The following KIAA1671 variants were observed in gnomAD, a reference collection of about 807,000 sequenced individuals.
KIAA1671 encodes the protein KIAA1671.
Under a neutral mutation model 131.2 loss-of-function variants are expected in KIAA1671, and 52 were observed. That is an observed-to-expected ratio of 0.40 (90% confidence interval 0.32 to 0.50). KIAA1671 has a LOEUF of 0.50. Among genes scored for constraint, KIAA1671 ranks in the 20% least tolerant of loss-of-function variants. The pLI is 0.73. For synonymous variants in KIAA1671, 1,003 were observed against 961.6 expected, an observed-to-expected ratio of 1.04 and a Z score of -0.80; for missense variants, 2,360 against 2,364.2, an observed-to-expected ratio of 1.00 and a Z score of 0.04.
At chr22:24,969,512 T>A (rs958547373) in intron 1 of KIAA1671, among the ~76,000 whole-genome samples, 1 of 152,144 alleles carries the variant, frequency 6.6e-6, no homozygotes, top group Non-Finnish European at 1.5e-5. Flanking sequence ...AAAAACAATA[T>A]TTTTCATCCG....
In KIAA1671 at chr22:25,150,901, C is replaced by T. The variant is rs972170516; in HGVS notation, c.4531-19919C>T. Among the ~76,000 whole-genome samples the T allele has an allele frequency of 6.1e-5, 9 of 146,712 alleles. No individual in the cohort carries two copies. In the South Asian group the frequency reaches 6.7e-4, roughly 11 times the overall value. On this transcript the variant is annotated intron_variant, in intron 6 of 12. Transcript: ENST00000358431. Reference sequence around the variant, plus strand: ...AGGCTGGAGTGCCGTGGCGCAATCTCGGCTTACTGCAAGCTCCGCCTCCCG... The same window carrying T: ...AGGCTGGAGTGCCGTGGCGCAATCTTGGCTTACTGCAAGCTCCGCCTCCCG...
chr22:25,100,352 G>A (rs1217430221), intron 6 of KIAA1671, among the ~76,000 whole-genome samples: 1 of 152,188 alleles, frequency 6.6e-6, no homozygotes, highest in Non-Finnish European at 1.5e-5. Context: ...CTTCAGTTGG[G>A]GTTCACAACC....
chr22:25,192,965 G>A lies in KIAA1671; in HGVS notation c.*564G>A, dbSNP rs143276017. The A allele has an allele frequency of 6.6e-6, 1 of 152,006 alleles. No homozygotes were observed. Among genetic ancestry groups the A allele is most frequent in the East Asian group, 1.9e-4 (1 of 5,164 alleles). 9.4% of individuals were successfully genotyped at this position (152,006 alleles called of 1,614,324 possible). A position where few individuals can be genotyped will look rare whatever the true frequency, so the allele number is the denominator to read the frequency against. ...GTTCCTTCTTCCCCTTGAGGAATCA[G>A]CAGTTCCAATTTTTAAACATACTCT... On this transcript the variant is annotated 3_prime_UTR_variant, in exon 13 of 13. Coordinates refer to ENST00000358431, the MANE Select transcript of KIAA1671 (RefSeq NM_001145206.2).
chr22:25,105,031 C>CT (rs75088120), intron 6 of KIAA1671, among the ~76,000 whole-genome samples: 182 of 148,950 alleles, frequency 1.2e-3, no homozygotes, highest in South Asian at 5.8e-3. Flanking sequence ...CCTTCCTTTT[C>CT]TTTTTTTTTT....
intron 1 of KIAA1671, among the ~76,000 whole-genome samples, chr22:24,986,907 G>C (rs1395961449): frequency 1.3e-5 from 2 of 151,854 alleles, no homozygotes; most frequent in African/African-American, 4.8e-5. Context: ...CCTAAAGCAG[G>C]GGTCGGCCAG....
chr22:25,110,210 T>C (rs1440516433), intron 6 of KIAA1671: 1 of 152,250 alleles, frequency 6.6e-6, no homozygotes, highest in Non-Finnish European at 1.5e-5. Flanking sequence ...AGAGATCTGT[T>C]GGCCATATTG....
intron 1 of KIAA1671, chr22:25,013,217 A>C (rs1438550239): frequency 6.6e-6 from 1 of 152,250 alleles, no homozygotes; most frequent in Non-Finnish European, 1.5e-5. Flanking sequence ...CGGCTCTAAA[A>C]GGATGGGTGG....
intron 5 of KIAA1671, among the ~76,000 whole-genome samples, chr22:25,047,613 C>T (rs1927320374): frequency 6.6e-6 from 1 of 151,960 alleles, no homozygotes; most frequent in African/African-American, 2.4e-5. Context: ...GCTGGGATTA[C>T]AGGCGCTCGC....
At chr22:25,107,767 T>G (rs1483376837) in intron 6 of KIAA1671, among the ~76,000 whole-genome samples, 1 of 151,926 alleles carries the variant, frequency 6.6e-6, no homozygotes, top group East Asian at 2.0e-4. Context: ...TCCCAGCACT[T>G]TGGGAGGCCG....
At chr22:25,095,051 A>G (rs867703640) in intron 6 of KIAA1671, among the ~76,000 whole-genome samples, 20 of 152,168 alleles carry the variant, frequency 1.3e-4, no homozygotes, top group African/African-American at 4.8e-4. Flanking sequence ...GGCCCCCTCC[A>G]GAGTGTATAT....
chr22:24,981,650 T>G (rs1391613558), intron 1 of KIAA1671, among the ~76,000 whole-genome samples: 2 of 152,220 alleles, frequency 1.3e-5, no homozygotes, highest in African/African-American at 2.4e-5. Context: ...GGCTCATGCC[T>G]GTAATCCCAG....
At chr22:25,097,476 C>T (rs1183832592) in intron 6 of KIAA1671, among the ~76,000 whole-genome samples, 1 of 152,190 alleles carries the variant, frequency 6.6e-6, no homozygotes, top group African/African-American at 2.4e-5. Flanking sequence ...TGCAGTGGCT[C>T]ACGCCTGTAA....
intron 1 of KIAA1671, among the ~76,000 whole-genome samples, chr22:24,954,611 T>G (rs1921591445): frequency 6.6e-6 from 1 of 152,166 alleles, no homozygotes; most frequent in South Asian, 2.1e-4. Flanking sequence ...TCAGGATTTG[T>G]CCTCTTGGAG....
chr22:25,068,581 C>T (rs368880512), intron 6 of KIAA1671, among the ~76,000 whole-genome samples: 3 of 152,152 alleles, frequency 2.0e-5, no homozygotes, highest in Non-Finnish European at 2.9e-5. Context: ...GGACTACAGG[C>T]GCCCGCCTCC....
intron 3 of KIAA1671, among the ~76,000 whole-genome samples, chr22:25,030,265 G>T (rs1378847339): frequency 6.6e-6 from 1 of 152,032 alleles, no homozygotes; most frequent in African/African-American, 2.4e-5. Flanking sequence ...GGCCGGGCGC[G>T]GTGGCTCATG....
intron 6 of KIAA1671, among the ~76,000 whole-genome samples, chr22:25,145,960 AC>A (rs1284633406): frequency 6.0e-4 from 88 of 145,998 alleles, no homozygotes; most frequent in African/African-American, 2.1e-3. Flanking sequence ...AAAAAAAAAA[AC>A]AACAACAAGC....
At chr22:25,070,885 C>A (rs1039573042) in intron 6 of KIAA1671, among the ~76,000 whole-genome samples, 8 of 152,072 alleles carry the variant, frequency 5.3e-5, no homozygotes, top group Non-Finnish European at 1.2e-4. Context: ...AAGTTGGGAC[C>A]CCTTCCCCAC....
chr22:24,999,548 T>C (rs1329625939), intron 1 of KIAA1671, among the ~76,000 whole-genome samples: 4 of 144,854 alleles, frequency 2.8e-5, no homozygotes, highest in African/African-American at 1.0e-4. Context: ...TGGTATCTCA[T>C]TTATGTGCTT....
chr22:25,189,851 A>G (rs956768705), intron 11 of KIAA1671, among the ~76,000 whole-genome samples: 5 of 152,168 alleles, frequency 3.3e-5, no homozygotes, highest in African/African-American at 4.8e-5. Flanking sequence ...GGCTCAAGCT[A>G]TCCTCCTGCC....
Sources: gnomAD v4.1 joint callset for allele counts (sites outside exome capture counted in the v4.1 genomes callset) on GRCh38, gnomAD v4.1.1 for gene constraint, MANE v1.5 for transcripts, NCBI Gene and HGNC (gene_info 2026-07-23, HGNC 2026-07-21) for gene names.